The following TAFA2 variants were observed in gnomAD, a reference collection of about 807,000 sequenced individuals.
TAFA2 encodes TAFA chemokine like family member 2, also known as chemokine-like protein TAFA-2.
In TAFA2, 7 loss-of-function variants were observed where a neutral mutation model predicts 18.8. The ratio of observed to expected loss-of-function variants is 0.37; its 90% CI spans 0.21 to 0.70. TAFA2 has a LOEUF of 0.70. Ranked by LOEUF, TAFA2 falls within the 30% of genes least tolerant of loss-of-function variation. The pLI is 0.53. For missense variants in TAFA2, 122 were observed against 158.1 expected (o/e 0.77, Z 1.23); for synonymous variants, 60 against 54.2 (o/e 1.11, Z -0.47).
chr12:62,042,159 C>G (rs1881772352), intron 1 of TAFA2, among the ~76,000 whole-genome samples: 1 of 151,902 alleles, frequency 6.6e-6, no homozygotes. Flanking sequence ...AGAAGACACC[C>G]CTTCATGGGG....
chr12:61,933,766 G>A (rs1240740977), intron 1 of TAFA2, among the ~76,000 whole-genome samples: 4 of 152,172 alleles, frequency 2.6e-5, no homozygotes, highest in Non-Finnish European at 5.9e-5. Flanking sequence ...AATTGATATA[G>A]TAAGAACAAT....
At chr12:61,781,426 G>A (rs12309934) in intron 2 of TAFA2, among the ~76,000 whole-genome samples, 75,212 of 151,634 alleles carry the variant, frequency 0.5, 18,782 homozygotes, top group Admixed American at 0.56. Flanking sequence ...GGCTTGATTA[G>A]TGAAGATGTT....
intron 1 of TAFA2, among the ~76,000 whole-genome samples, chr12:61,910,436 AGAAGCTGGGT>A (rs1876560199): frequency 6.6e-6 from 1 of 152,172 alleles, no homozygotes; most frequent in African/African-American, 2.4e-5. Context: ...CAATAACAGA[AGAAGCTGGGT>A]GACTGCACGG....
At position 61,753,605 on chromosome 12, in the gene TAFA2, G is replaced by C; in HGVS notation, c.384+17C>G. The C allele has an allele frequency of 6.2e-7, 1 of 1,607,374 alleles. No homozygotes were observed. The highest frequency in any genetic ancestry group is 8.5e-7 in the Non-Finnish European group (1 of 1,176,330). On this transcript the variant is annotated intron_variant, in intron 4 of 4. Transcript: ENST00000416284. ...ATTCAGAGACATTCTGTTTTCCCAA[G>C]CTTGCTGTCCACTTACCCTAGTTGT...
At chr12:62,181,658 T>C (rs1323304360) in intron 1 of TAFA2, among the ~76,000 whole-genome samples, 2 of 152,172 alleles carry the variant, frequency 1.3e-5, no homozygotes, top group Admixed American at 6.5e-5. Flanking sequence ...TTCCAGAGCA[T>C]TGATAAAACT....
chr12:61,710,046 T>A lies in TAFA2; in HGVS notation c.*360A>T, dbSNP rs182149980. 1.2e-3 allele frequency: 310 copies of A among 248,556 alleles called. 1 individual carries two copies. The East Asian group carries it at 0.013, about 10-fold the overall frequency. 15.4% of individuals were successfully genotyped at this position (248,556 alleles called of 1,614,324 possible). A position where few individuals can be genotyped will look rare whatever the true frequency, so the allele number is the denominator to read the frequency against. On this transcript the variant is annotated 3_prime_UTR_variant, in exon 5 of 5. Coordinates refer to ENST00000416284, the MANE Select transcript of TAFA2 (RefSeq NM_178539.5). ...AGGACAGTGCACTTGGGATACAGCT[T>A]GCAGAAACAAGAAAAGTAGTCACAT...
At chr12:62,042,407 G>GTC (rs1881781702) in intron 1 of TAFA2, among the ~76,000 whole-genome samples, 2 of 106,780 alleles carry the variant, frequency 1.9e-5, no homozygotes, top group East Asian at 4.7e-4. Flanking sequence ...AAGTCTGTGT[G>GTC]TGTGTGTGTG....
intron 1 of TAFA2, among the ~76,000 whole-genome samples, chr12:62,017,571 G>C (rs1880979910): frequency 6.6e-6 from 1 of 152,064 alleles, no homozygotes; most frequent in South Asian, 2.1e-4. Context: ...CCTAAGAGTT[G>C]GCCACGTGGT....
At chr12:62,221,933 A>G (rs1236373283) in intron 1 of TAFA2, among the ~76,000 whole-genome samples, 1 of 152,210 alleles carries the variant, frequency 6.6e-6, no homozygotes, top group East Asian at 1.9e-4. Flanking sequence ...CGCAACTACA[A>G]AGTGCTAGTA....
At chr12:62,015,161 T>G (rs1028385209) in intron 1 of TAFA2, among the ~76,000 whole-genome samples, 1 of 152,222 alleles carries the variant, frequency 6.6e-6, no homozygotes, top group African/African-American at 2.4e-5. Context: ...TCTGGTAGCA[T>G]TCCATCTTTT....
chr12:62,081,192 C>T (rs1868318068), intron 1 of TAFA2, among the ~76,000 whole-genome samples: 1 of 151,814 alleles, frequency 6.6e-6, no homozygotes, highest in Admixed American at 6.6e-5. Context: ...GAGACTCCAT[C>T]TCACAAAAAA....
chr12:61,794,626 T>G (rs558248056), intron 2 of TAFA2, among the ~76,000 whole-genome samples: 1 of 152,082 alleles, frequency 6.6e-6, no homozygotes, highest in East Asian at 1.9e-4. Flanking sequence ...TAATCCTAAC[T>G]GACACCAAAA....
chr12:61,788,633 TAAAC>T (rs1870839971), intron 2 of TAFA2, among the ~76,000 whole-genome samples: 1 of 151,548 alleles, frequency 6.6e-6, no homozygotes, highest in South Asian at 2.1e-4. Context: ...TTTAAAAAGA[TAAAC>T]AAAATTTTGA....
intron 1 of TAFA2, among the ~76,000 whole-genome samples, chr12:62,254,376 G>A (rs935486627): frequency 2.6e-5 from 4 of 152,052 alleles, no homozygotes; most frequent in African/African-American, 4.8e-5. Context: ...GTTAAGTATC[G>A]GAGTAGGGCA....
At chr12:62,190,164 TC>T (rs1302940276) in intron 1 of TAFA2, among the ~76,000 whole-genome samples, 2 of 152,102 alleles carry the variant, frequency 1.3e-5, no homozygotes, top group African/African-American at 4.8e-5. Context: ...TCCAAACGCT[TC>T]AGGCAATTGT....
At chr12:61,766,920 C>A (rs1168632787) in intron 2 of TAFA2, among the ~76,000 whole-genome samples, 1 of 152,008 alleles carries the variant, frequency 6.6e-6, no homozygotes, top group Non-Finnish European at 1.5e-5. Context: ...GAGAGATAAA[C>A]CCTGGATGGG....
rs577977758 is a variant in TAFA2, at chr12:61,914,627, A to G, written c.-1-47201T>C. 5.3e-5 allele frequency among the ~76,000 whole-genome samples: 8 copies of G among 152,228 alleles called. No homozygotes were observed. The East Asian group carries it at 1.4e-3, about 26-fold the overall frequency. On this transcript the variant is annotated intron_variant, in intron 1 of 4. Coordinates refer to ENST00000416284, the MANE Select transcript of TAFA2 (RefSeq NM_178539.5). ...CCTTCAGAAGAGAGTTCCAAAAATTACTCTCATTGCTAGATAGTAGTACCT... is the reference window on the plus strand; with the variant it reads ...CCTTCAGAAGAGAGTTCCAAAAATTGCTCTCATTGCTAGATAGTAGTACCT...
At chr12:61,833,711 A>G (rs1872804687) in intron 2 of TAFA2, among the ~76,000 whole-genome samples, 1 of 151,586 alleles carries the variant, frequency 6.6e-6, no homozygotes, top group Admixed American at 6.6e-5. Flanking sequence ...TATAATCCTC[A>G]GTAATTGCTT....
intron 1 of TAFA2, among the ~76,000 whole-genome samples, chr12:61,897,875 A>G (rs1228225507): frequency 6.6e-6 from 1 of 152,218 alleles, no homozygotes; most frequent in Non-Finnish European, 1.5e-5. Flanking sequence ...CCAAGTCAAA[A>G]GTCTCATCTG....
Sources: gnomAD v4.1 joint callset for allele counts (sites outside exome capture counted in the v4.1 genomes callset) on GRCh38, gnomAD v4.1.1 for gene constraint, MANE v1.5 for transcripts, NCBI Gene and HGNC (gene_info 2026-07-23, HGNC 2026-07-21) for gene names.